EFCAB8: variants seen among roughly 807,000 people sequenced by gnomAD.
EFCAB8 encodes EF-hand calcium-binding domain-containing protein 8.
Under a neutral mutation model 116.3 loss-of-function variants are expected in EFCAB8, and 100 were observed. The ratio of observed to expected loss-of-function variants is 0.86; its 90% CI spans 0.73 to 1.02. The LOEUF (loss-of-function observed/expected upper bound fraction) is 1.02, where lower values mean the gene tolerates loss of function less well. Ranked by LOEUF, EFCAB8 falls within the 50% of genes least tolerant of loss-of-function variation. EFCAB8 has a pLI of 0.00. For synonymous variants in EFCAB8, 558 were observed against 567.9 expected (o/e 0.98, Z 0.25); for missense variants, 1,320 against 1,416.9 (o/e 0.93, Z 1.10).
intron 23 of EFCAB8, among the ~76,000 whole-genome samples, chr20:32,957,808 A>G (rs113114574): frequency 1.5e-4 from 22 of 150,292 alleles, no homozygotes; most frequent in Middle Eastern, 3.4e-3. Flanking sequence ...TCCCACTCCC[A>G]GCTCTTCTTG....
rs1989157766 is a variant in EFCAB8, at chr20:32,961,610, G to A, written c.*1G>A. 4 of 1,323,132 alleles carry A rather than the reference G, an allele frequency of 3.0e-6. No homozygotes were observed. Among genetic ancestry groups the A allele is most frequent in the Middle Eastern group, 3.9e-4 (2 of 5,158 alleles). The allele number at this position is 1,323,132 out of a possible 1,614,324, so 82.0% of individuals were successfully genotyped here. A position where few individuals can be genotyped will look rare whatever the true frequency, so the allele number is the denominator to read the frequency against. On this transcript the variant is annotated 3_prime_UTR_variant, in exon 27 of 27. Transcript: ENST00000400522. ...GGGGAGCTCCCATGTCAGGTTCTGAGGTGCTCCGCTGTCTTCTCTAGTCCT... is the reference window on the plus strand; with the variant it reads ...GGGGAGCTCCCATGTCAGGTTCTGAAGTGCTCCGCTGTCTTCTCTAGTCCT...
In EFCAB8 at chr20:32,902,219, G is replaced by A. The variant is rs369944682; in HGVS notation, c.1088+3596G>A. Among the ~76,000 whole-genome samples, 17 of 152,272 alleles carry A rather than the reference G, an allele frequency of 1.1e-4. No individual in the cohort carries two copies. The East Asian group carries it at 2.9e-3, about 26-fold the overall frequency. Reference sequence around the variant, plus strand: ...GTGTGGTCTGGCTTATATGTTGCAGGTGGAGTGTCCATGGGCAGGGGTGGT... The same window carrying A: ...GTGTGGTCTGGCTTATATGTTGCAGATGGAGTGTCCATGGGCAGGGGTGGT... On this transcript the variant is annotated intron_variant, in intron 11 of 26. Transcript: ENST00000400522.
rs188428763 is a variant in EFCAB8 at position 32,917,208 on chromosome 20, G to A, written c.1857-93G>A. 12 of 1,007,044 alleles carry A rather than the reference G, an allele frequency of 1.2e-5. No individual in the cohort carries two copies. In the African/African-American group the frequency reaches 1.6e-4, roughly 14 times the overall value. The allele number at this position is 1,007,044 out of a possible 1,614,324, so 62.4% of individuals were successfully genotyped here. On this transcript the variant is annotated intron_variant, in intron 17 of 26. Transcript: ENST00000400522. ...CCTGAGAGTATCCTCCTCTGAGTCGGCTCCCAGAATCCTCAAGGCTCCAGT... is the reference window on the plus strand; with the variant it reads ...CCTGAGAGTATCCTCCTCTGAGTCGACTCCCAGAATCCTCAAGGCTCCAGT...
rs1568908338 is a variant in EFCAB8 at position 32,885,522 on chromosome 20, T to TGG, written c.450_451dup (p.Val151GlyfsTer2). 9 of 1,551,590 alleles carry TGG rather than the reference T, an allele frequency of 5.8e-6. No homozygotes were observed. Among genetic ancestry groups the TGG allele is most frequent in the Non-Finnish European group, 7.8e-6 (9 of 1,146,968 alleles). On this transcript the variant is annotated frameshift_variant, in exon 6 of 27. Coordinates refer to ENST00000400522, the MANE Select transcript of EFCAB8 (RefSeq NM_001143967.2). LOFTEE classifies it high-confidence loss of function. ...TCCCACAGGAACCATGGCTGTGAGG[T>TGG]GGTGAAGGTGGTGTTTTTAATCCAC... is the stretch of plus-strand genomic sequence containing the variant.
At chr20:32,957,485 A>G (rs1989007406) in intron 23 of EFCAB8, among the ~76,000 whole-genome samples, 1 of 151,618 alleles carries the variant, frequency 6.6e-6, no homozygotes, top group African/African-American at 2.4e-5. Flanking sequence ...CTTTAGGAGG[A>G]CTCAGTTTGC....
intron 14 of EFCAB8, among the ~76,000 whole-genome samples, chr20:32,908,878 CAGAT>C (rs777940890): frequency 6.6e-6 from 1 of 152,236 alleles, no homozygotes; most frequent in Non-Finnish European, 1.5e-5. Flanking sequence ...AACTGAGTCA[CAGAT>C]AGGAAGGCCA....
intron 5 of EFCAB8, among the ~76,000 whole-genome samples, chr20:32,879,678 C>A (rs541090603): frequency 1.3e-5 from 2 of 152,070 alleles, no homozygotes; most frequent in Non-Finnish European, 2.9e-5. Flanking sequence ...GGCGATGAGC[C>A]AAGCGTAATA....
At chr20:32,939,187 CTTTCTTTCTTTCTTTCCTCTCT>C (rs1249799853) in intron 22 of EFCAB8, among the ~76,000 whole-genome samples, 2 of 67,608 alleles carry the variant, frequency 3.0e-5, no homozygotes, top group Non-Finnish European at 5.7e-5. Context: ...TTCTTTCTTT[CTTTCTTTCTTTCTTTCCTCTCT>C]CTCTCTCTCT....
chr20:32,935,156 T>TTTCTC (rs1159724286), intron 22 of EFCAB8, among the ~76,000 whole-genome samples: 2 of 150,730 alleles, frequency 1.3e-5, no homozygotes, highest in Non-Finnish European at 3.0e-5. Context: ...CTTTCTCCAT[T>TTTCTC]TTCTCTTCTC....
At position 32,895,309 on chromosome 20, in the gene EFCAB8, T is replaced by G. The variant is rs1037044445; in HGVS notation, c.884-1145T>G. On this transcript the variant is annotated intron_variant, in intron 9 of 26. Transcript: ENST00000400522. ...CCAGACAGGCTTGTTTTATTTTATT[T>G]AAGATTTTTTTTTTTTTTTTTTTTT... is the stretch of plus-strand genomic sequence containing the variant. 1.1e-4 allele frequency among the ~76,000 whole-genome samples: 16 copies of G among 140,456 alleles called. 2 individuals carry two copies. The East Asian group carries it at 3.2e-3, about 28-fold the overall frequency. 92.1% of individuals were successfully genotyped at this position (140,456 alleles called of 152,430 possible).
chr20:32,903,162 C>T (rs1986509912), intron 11 of EFCAB8, among the ~76,000 whole-genome samples: 1 of 152,214 alleles, frequency 6.6e-6, no homozygotes, highest in South Asian at 2.1e-4. Flanking sequence ...TCGCCCATGT[C>T]CTCTCATGCC....
Position 32,931,329 on chromosome 20 carries a change from A to G in EFCAB8, c.2783A>G (p.Asp928Gly), listed in dbSNP as rs1297638422. Residue 928 changes from aspartate (D) to glycine (G), a missense_variant, in exon 22 of 27, where the codon GAT (aspartate) becomes GGT (glycine). Physicochemically the swap from Asp to Gly is moderately conservative, Grantham distance 94 (BLOSUM62 -1). Coordinates refer to ENST00000400522, the MANE Select transcript of EFCAB8 (RefSeq NM_001143967.2). ...TTCCCACACTACATTCCCTTGGAGGATAAAGAGGTAGGAGGATTACTGGAG... is the reference window on the plus strand; with the variant it reads ...TTCCCACACTACATTCCCTTGGAGGGTAAAGAGGTAGGAGGATTACTGGAG... The part of the protein sequence containing the change: ...TNFPHYIPLE[D>G]KEVVAGHTIS... The G allele has an allele frequency of 2.6e-6, 4 of 1,542,720 alleles. No homozygotes were observed. In the South Asian group the frequency reaches 4.9e-5, roughly 19 times the overall value.
intron 5 of EFCAB8, among the ~76,000 whole-genome samples, chr20:32,883,162 C>A (rs1457098166): frequency 6.6e-6 from 1 of 152,158 alleles, no homozygotes; most frequent in Non-Finnish European, 1.5e-5. Context: ...GAATTTCTGG[C>A]CTCTGTAGGC....
intron 1 of EFCAB8, among the ~76,000 whole-genome samples, chr20:32,862,096 C>T (rs1182883325): frequency 6.6e-6 from 1 of 151,812 alleles, no homozygotes; most frequent in African/African-American, 2.4e-5. Flanking sequence ...AAGTTTCAGT[C>T]CCCAGATTTC....
chr20:32,927,757 C>G (rs781326049), intron 20 of EFCAB8, among the ~76,000 whole-genome samples: 22 of 152,152 alleles, frequency 1.4e-4, no homozygotes, highest in Non-Finnish European at 2.5e-4. Context: ...TGAGCACTTG[C>G]ATAAAGTGGG....
chr20:32,906,870 G>T lies in EFCAB8; in HGVS notation c.1184G>T (p.Arg395Leu). 2 of 1,539,078 alleles carry T rather than the reference G, an allele frequency of 1.3e-6. No homozygotes were observed. Among genetic ancestry groups the T allele is most frequent in the Non-Finnish European group, 1.8e-6 (2 of 1,135,528 alleles). ...LVTGGYDAFIRLWNPFVSKRP... is the reference protein window; with the variant it reads ...LVTGGYDAFILLWNPFVSKRP... ...ACTGGTGGCTACGATGCCTTCATCC[G>T]CCTGTGGAACCCCTTTGTCTCAAAG... The change falls in exon 13 of 27, where the codon CGC becomes CTC. Residue 395 changes from arginine (R) to leucine (L), a missense_variant. Coordinates refer to ENST00000400522, the MANE Select transcript of EFCAB8 (RefSeq NM_001143967.2).
chr20:32,909,964 C>G (rs532030436), intron 15 of EFCAB8, 33 bp downstream of exon 15: 1 of 1,164,148 alleles, frequency 8.6e-7, no homozygotes, highest in African/African-American at 1.6e-5. Flanking sequence ...CTGAGGCTGG[C>G]GGGAACACCA....
At chr20:32,958,313 T>C (rs1194345793) in intron 23 of EFCAB8, 108 bp from the exon 24 acceptor site, 7 of 406,142 alleles carry the variant, frequency 1.7e-5, no homozygotes, top group Non-Finnish European at 3.1e-5. Context: ...GTGTGGGGGC[T>C]GAGGATAGGG....
chr20:32,949,415 G>A (rs955908157), intron 23 of EFCAB8, among the ~76,000 whole-genome samples: 1 of 152,166 alleles, frequency 6.6e-6, no homozygotes, highest in African/African-American at 2.4e-5. Flanking sequence ...TTGACACACT[G>A]ATTCTAAAAT....
Sources: gnomAD v4.1 joint callset for allele counts (sites outside exome capture counted in the v4.1 genomes callset) on GRCh38, gnomAD v4.1.1 for gene constraint, MANE v1.5 for transcripts, NCBI Gene and HGNC (gene_info 2026-07-23, HGNC 2026-07-21) for gene names.